The following FRYL variants were observed in gnomAD, a reference collection of about 807,000 sequenced individuals.
FRYL encodes the protein FRY like transcription coactivator, also known as protein furry homolog-like.
FRYL carries 150 observed loss-of-function variants against 351.2 expected under a neutral mutation model. The observed-to-expected ratio is 0.43, with a 90% CI of 0.37 to 0.49. FRYL has a LOEUF of 0.49. Ranked by LOEUF, FRYL falls within the 20% of genes least tolerant of loss-of-function variation. FRYL has a pLI of 0.00. For synonymous variants in FRYL, 1,153 were observed against 1,257.1 expected, an observed-to-expected ratio of 0.92 and a Z score of 1.75; for missense variants, 3,036 against 3,619.3, an observed-to-expected ratio of 0.84 and a Z score of 4.13.
At position 48,547,212 on chromosome 4, in the gene FRYL, G is replaced by A. The variant is rs539944852; in HGVS notation, c.5074+372C>T. On this transcript the variant is annotated intron_variant, in intron 41 of 63. Transcript: ENST00000358350. ...TTTTTAATGCAGTAAATATAATCAC[G>A]AGAATAACAAAATTTAAAATGCCTT... 9.9e-5 allele frequency among the ~76,000 whole-genome samples: 15 copies of A among 152,174 alleles called. No individual in the cohort carries two copies. In the South Asian group the frequency reaches 1.5e-3, roughly 15 times the overall value.
intron 49 of FRYL, 135 bp downstream of exon 49, chr4:48,534,410 T>C: frequency 1.5e-6 from 1 of 688,970 alleles, no homozygotes; most frequent in Non-Finnish European, 2.4e-6. Flanking sequence ...TTTTCCATAC[T>C]GCAAATATCC....
chr4:48,581,647 CACAGACATTTCCGAAAA>C, intron 20 of FRYL, 42 bp from the exon 21 acceptor site: 6 of 1,497,398 alleles, frequency 4.0e-6, no homozygotes, highest in Non-Finnish European at 5.4e-6. Flanking sequence ...AAAATATATG[CACAGACATTTCCGAAAA>C]ACAGTTAATA....
At chr4:48,573,126 CAT>C (rs1305929686) in intron 26 of FRYL, 58 bp downstream of exon 26, 8 of 1,274,832 alleles carry the variant, frequency 6.3e-6, no homozygotes, top group African/African-American at 1.5e-5. Context: ...TTTGATATAA[CAT>C]GTAAATATGG....
At chr4:48,605,942 G>A in intron 10 of FRYL, 109 bp from the exon 11 acceptor site, 3 of 683,100 alleles carry the variant, frequency 4.4e-6, no homozygotes, top group Non-Finnish European at 7.5e-6. Context: ...AAAAACTAAG[G>A]TCAATGCATC....
At position 48,549,464 on chromosome 4, in the gene FRYL, G is replaced by A. The variant is rs563701834; in HGVS notation, c.4784+9C>T. 1.2e-6 allele frequency: 2 copies of A among 1,605,132 alleles called. No homozygotes were observed. Among genetic ancestry groups the A allele is most frequent in the South Asian group, 2.2e-5 (2 of 89,758 alleles). On this transcript the variant is annotated intron_variant, in intron 39 of 63. Coordinates refer to ENST00000358350, the MANE Select transcript of FRYL (RefSeq NM_015030.2). The surrounding 1 kb of genome is among the most constrained non-coding windows in gnomAD (Gnocchi z 4.2). ...GTGCATATGTAAAAGGAATGACGCT[G>A]TAGTCCACCTGTGAAGAGGTAATCC...
intron 3 of FRYL, among the ~76,000 whole-genome samples, chr4:48,641,965 T>C (rs1755431288): frequency 6.6e-6 from 1 of 152,210 alleles, no homozygotes; most frequent in African/African-American, 2.4e-5. Flanking sequence ...TTGTAACTTA[T>C]TTGAGCTACT....
At position 48,633,047 on chromosome 4, in the gene FRYL, G is replaced by T. The variant is rs1423177527; in HGVS notation, c.120+1244C>A. Among the ~76,000 whole-genome samples, 3 of 152,220 alleles carry T rather than the reference G, an allele frequency of 2.0e-5. No homozygotes were observed. In the East Asian group the frequency reaches 5.8e-4, roughly 29 times the overall value. ...GAATAGCTATCCCTAATTCAGTTGT[G>T]TAAGGAGTGAGTTTCAGCTGTTACA... On this transcript the variant is annotated intron_variant, in intron 4 of 63. Coordinates refer to ENST00000358350, the MANE Select transcript of FRYL (RefSeq NM_015030.2).
chr4:48,737,657 G>A (rs1189584249), intron 1 of FRYL, among the ~76,000 whole-genome samples: 3 of 152,080 alleles, frequency 2.0e-5, no homozygotes, highest in Non-Finnish European at 4.4e-5. Flanking sequence ...ACCAAAACCA[G>A]GAAACGACAT....
rs1315641238 is a variant in FRYL at position 48,497,614 on chromosome 4, T to TAA, written c.*1806_*1807dup. ...TTTAACAAAAAGGATGTAAGGAGGG[T>TAA]AAGAAAAACAGAGGACAGTAAGATA... On this transcript the variant is annotated 3_prime_UTR_variant, in exon 64 of 64. Transcript: ENST00000358350. 1 of 152,334 alleles carries TAA rather than the reference T, an allele frequency of 6.6e-6. No individual in the cohort carries two copies. Among genetic ancestry groups the TAA allele is most frequent in the Non-Finnish European group, 1.5e-5 (1 of 67,978 alleles). The allele number at this position is 152,334 out of a possible 1,614,324, so 9.4% of individuals were successfully genotyped here. A position where few individuals can be genotyped will look rare whatever the true frequency, so the allele number is the denominator to read the frequency against.
At chr4:48,573,579 C>T (rs1383452942) in intron 25 of FRYL, among the ~76,000 whole-genome samples, 2 of 151,994 alleles carry the variant, frequency 1.3e-5, no homozygotes, top group Non-Finnish European at 2.9e-5. Flanking sequence ...GATGGAGTTT[C>T]GCTCTTGTTG....
At chr4:48,678,471 T>C (rs1314188622) in intron 3 of FRYL, among the ~76,000 whole-genome samples, 3 of 121,842 alleles carry the variant, frequency 2.5e-5, no homozygotes, top group African/African-American at 6.6e-5. Flanking sequence ...ATCGCGCCCC[T>C]GCACTCCAGC....
At chr4:48,771,756 C>G (rs746308257) in intron 1 of FRYL, among the ~76,000 whole-genome samples, 11 of 136,794 alleles carry the variant, frequency 8.0e-5, no homozygotes, top group Non-Finnish European at 1.3e-4. Flanking sequence ...AGAAAGTCTT[C>G]TGGTTCCTCA....
intron 3 of FRYL, among the ~76,000 whole-genome samples, chr4:48,671,858 C>CAAAAAAAAAAAAAAAAAAAAAAAA (rs1226492542): frequency 4.5e-5 from 1 of 22,400 alleles, no homozygotes. Flanking sequence ...GTCTCAAAAA[C>CAAAAAAAAAAAAAAAAAAAAAAAA]AAAAAAAAAA....
intron 1 of FRYL, among the ~76,000 whole-genome samples, chr4:48,747,008 T>C (rs2149658751): frequency 6.6e-6 from 1 of 152,258 alleles, no homozygotes; most frequent in South Asian, 2.1e-4. Flanking sequence ...TGTTTTAGGG[T>C]AGTTTTTCAC....
chr4:48,510,297 T>C, intron 58 of FRYL, 140 bp from the exon 59 acceptor site: 1 of 665,776 alleles, frequency 1.5e-6, no homozygotes, highest in Non-Finnish European at 2.7e-6. Flanking sequence ...GTCCCATACT[T>C]AGAGCTGAGC....
At chr4:48,746,767 C>T (rs1772726377) in intron 1 of FRYL, among the ~76,000 whole-genome samples, 1 of 152,078 alleles carries the variant, frequency 6.6e-6, no homozygotes, top group African/African-American at 2.4e-5. Flanking sequence ...GTGATTCTAC[C>T]TACTCTGAGG....
chr4:48,522,614 C>A (rs1725148283), intron 54 of FRYL, among the ~76,000 whole-genome samples: 1 of 152,148 alleles, frequency 6.6e-6, no homozygotes, highest in South Asian at 2.1e-4. Context: ...CACATTGATA[C>A]CAAAAATATG....
intron 3 of FRYL, among the ~76,000 whole-genome samples, chr4:48,647,403 C>CA (rs1756728351): frequency 6.6e-6 from 1 of 152,184 alleles, no homozygotes; most frequent in African/African-American, 2.4e-5. Context: ...TGCGTATTCT[C>CA]AGTCACCTGG....
chr4:48,657,356 T>TC (rs1553965193), intron 3 of FRYL, among the ~76,000 whole-genome samples: 5 of 148,092 alleles, frequency 3.4e-5, no homozygotes, highest in South Asian at 2.1e-4. Context: ...TTCTTTTCTT[T>TC]TTTTTTTTTT....
Sources: allele counts gnomAD v4.1 joint callset (sites outside exome capture counted in the v4.1 genomes callset), GRCh38; gene constraint gnomAD v4.1.1; non-coding constraint Gnocchi (gnomAD v3.1); transcripts MANE v1.5; gene names NCBI Gene and HGNC (gene_info 2026-07-23, HGNC 2026-07-21).